Variants in SLC17A1 observed in about 807,000 individuals in gnomAD.
SLC17A1 encodes the protein solute carrier family 17 member 1.
SLC17A1 carries 51 observed loss-of-function variants against 53.5 expected under a neutral mutation model. The ratio of observed to expected loss-of-function variants is 0.95; its 90% confidence interval spans 0.76 to 1.20. The LOEUF (loss-of-function observed/expected upper bound fraction) is 1.20, where lower values mean the gene tolerates loss of function less well. Among genes scored for constraint, SLC17A1 ranks in the 50% most tolerant of loss-of-function variants. The probability of loss-of-function intolerance (pLI) is 0.00; values close to 1 mark genes in which losing one functional copy is unlikely to be tolerated. For synonymous variants in SLC17A1, 179 were observed against 198.8 expected (o/e 0.90, Z 0.84); for missense variants, 538 against 568.2 (o/e 0.95, Z 0.54).
chr6:25,793,498 G>A (rs958632706), intron 12 of SLC17A1, among the ~76,000 whole-genome samples: 1 of 152,076 alleles, frequency 6.6e-6, no homozygotes, highest in African/African-American at 2.4e-5. Flanking sequence ...GCTCCATCGT[G>A]TTACCCTATT....
the SLC17A1 span, chr6:25,777,211 A>G: frequency 6.9e-5 from 31 of 449,864 alleles, 1 homozygote; most frequent in South Asian, 1.2e-3. Context: ...GGAGACTCAC[A>G]CAAACCTCTC....
chr6:25,726,868 T>C, the SLC17A1 span: 2 of 1,573,248 alleles, frequency 1.3e-6, no homozygotes, highest in Non-Finnish European at 1.7e-6. Flanking sequence ...TGTGTAACCC[T>C]GGAAAAGAAC....
chr6:25,810,512 C>T (rs1438987359), intron 10 of SLC17A1, among the ~76,000 whole-genome samples: 2 of 152,050 alleles, frequency 1.3e-5, no homozygotes, highest in Admixed American at 1.3e-4. Flanking sequence ...ATGCCCAACA[C>T]CACTAATCAT....
intron 2 of SLC17A1, among the ~76,000 whole-genome samples, chr6:25,826,862 G>T (rs1042275301): frequency 6.6e-6 from 1 of 152,022 alleles, no homozygotes; most frequent in Non-Finnish European, 1.5e-5. Context: ...AGAAAATCAA[G>T]CCAATCTTTC....
intron 3 of SLC17A1, among the ~76,000 whole-genome samples, chr6:25,825,407 T>C (rs1482447465): frequency 6.6e-6 from 1 of 152,046 alleles, no homozygotes; most frequent in African/African-American, 2.4e-5. Flanking sequence ...AATAATTTTA[T>C]TGAATACAGA....
chr6:25,725,621 T>C, the SLC17A1 span, among the ~76,000 whole-genome samples: 1 of 152,266 alleles, frequency 6.6e-6, no homozygotes, highest in Non-Finnish European at 1.5e-5. Flanking sequence ...TTTGAGATAG[T>C]CTCGCTCATG....
chr6:25,795,481 CAGG>C (rs1203287709), intron 12 of SLC17A1, among the ~76,000 whole-genome samples: 6 of 151,764 alleles, frequency 4.0e-5, no homozygotes, highest in Admixed American at 2.0e-4. Flanking sequence ...GGCAAGGAGG[CAGG>C]AGGAGGAGAA....
chr6:25,773,191 C>A, the SLC17A1 span: 2 of 1,065,210 alleles, frequency 1.9e-6, no homozygotes, highest in Non-Finnish European at 1.5e-6. Context: ...GCCAGTCACT[C>A]TGTCAACCAC....
chr6:25,787,329 A>G (rs1286998693), intron 12 of SLC17A1, among the ~76,000 whole-genome samples: 3 of 151,828 alleles, frequency 2.0e-5, no homozygotes, highest in African/African-American at 4.8e-5. Context: ...TCTACTTTAA[A>G]AAAAAAAAAA....
chr6:25,812,748 G>T (rs1764201498), intron 8 of SLC17A1, 83 bp downstream of exon 8: 2 of 995,672 alleles, frequency 2.0e-6, no homozygotes, highest in Non-Finnish European at 3.0e-6. Context: ...GCTGGCAAGA[G>T]CTGCGACTAG....
intron 1 of SLC17A1, 86 bp from the exon 2 acceptor site, chr6:25,830,693 C>T: frequency 1.2e-6 from 1 of 801,716 alleles, no homozygotes; most frequent in Non-Finnish European, 2.1e-6. Context: ...TGATTTAAAA[C>T]CGCTTCCAAG....
chr6:25,804,031 C>T (rs541879638), intron 10 of SLC17A1, among the ~76,000 whole-genome samples: 3 of 152,184 alleles, frequency 2.0e-5, no homozygotes, highest in African/African-American at 4.8e-5. Flanking sequence ...TTTTCACATA[C>T]GTATATGACA....
At chr6:25,731,905 G>C in the SLC17A1 span, 2 of 1,602,614 alleles carry the variant, frequency 1.2e-6, no homozygotes, top group Non-Finnish European at 1.7e-6. Flanking sequence ...ATGGTCGAGC[G>C]CTTGTCATAA....
chr6:25,821,523 C>G (rs1371904003), intron 3 of SLC17A1, among the ~76,000 whole-genome samples: 1 of 152,108 alleles, frequency 6.6e-6, no homozygotes, highest in Non-Finnish European at 1.5e-5. Context: ...CAGGAAGCAC[C>G]AAGGAAGTCA....
intron 12 of SLC17A1, among the ~76,000 whole-genome samples, chr6:25,786,805 C>A (rs893871147): frequency 5.3e-5 from 8 of 152,030 alleles, no homozygotes; most frequent in African/African-American, 9.7e-5. Flanking sequence ...AGCATCCTAG[C>A]GGATGAGGAG....
chr6:25,802,431 C>G (rs1763808710), intron 10 of SLC17A1, among the ~76,000 whole-genome samples: 1 of 152,002 alleles, frequency 6.6e-6, no homozygotes, highest in Admixed American at 6.6e-5. Context: ...CTCTCCATTT[C>G]TCTTCTTTTG....
At chr6:25,770,047 T>G in the SLC17A1 span, 1 of 1,599,084 alleles carries the variant, frequency 6.3e-7, no homozygotes, top group South Asian at 1.1e-5. Context: ...AGACAAACAG[T>G]AACTCTCTTT....
chr6:25,767,240 A>G, the SLC17A1 span, among the ~76,000 whole-genome samples: 1 of 152,228 alleles, frequency 6.6e-6, no homozygotes, highest in Admixed American at 6.5e-5. Context: ...CAACATTTTA[A>G]GCTCAACTAT....
At chr6:25,781,870 ATC>A (rs568856371), downstream of SLC17A1, among the ~76,000 whole-genome samples, 39 of 152,352 alleles carry the variant, frequency 2.6e-4, 1 homozygote, top group Admixed American at 2.2e-3. Flanking sequence ...GGGAACAGAC[ATC>A]TAAACCATAG....
Sources: allele counts gnomAD v4.1 joint callset (sites outside exome capture counted in the v4.1 genomes callset), GRCh38; gene constraint gnomAD v4.1.1; transcripts MANE v1.5; gene names NCBI Gene and HGNC (gene_info 2026-07-23, HGNC 2026-07-21).